DZANK1: variants seen among roughly 807,000 people sequenced by gnomAD.
DZANK1 encodes double zinc ribbon and ankyrin repeat-containing protein 1.
Under a neutral mutation model 94.5 loss-of-function variants are expected in DZANK1, and 91 were observed. That is an observed-to-expected ratio of 0.96 (90% confidence interval 0.81 to 1.15). The LOEUF is 1.15. Among genes scored for constraint, DZANK1 ranks in the 50% most tolerant of loss-of-function variants. The probability of loss-of-function intolerance (pLI) is 0.00; values close to 1 mark genes in which losing one functional copy is unlikely to be tolerated. For missense variants in DZANK1, 903 were observed against 916.4 expected (o/e 0.99, Z 0.19); for synonymous variants, 312 against 325.3 (o/e 0.96, Z 0.44).
At chr20:18,444,941 C>T (rs1169672182) in intron 7 of DZANK1, among the ~76,000 whole-genome samples, 1 of 151,996 alleles carries the variant, frequency 6.6e-6, no homozygotes, top group Middle Eastern at 3.2e-3. Flanking sequence ...GCTGGGACTA[C>T]AGGTGCCTGC....
chr20:18,390,556 A>T, intron 17 of DZANK1, 97 bp from the exon 18 acceptor site: 10 of 1,165,768 alleles, frequency 8.6e-6, no homozygotes, highest in Non-Finnish European at 1.3e-5. Flanking sequence ...TCACAAGGAC[A>T]GGTGACTATG....
Position 18,393,710 on chromosome 20 carries a change from C to T in DZANK1, c.1809+1G>A, listed in dbSNP as rs1208348619. ...CACAAGGACCAAAAAAAGACACTTACTATAAGCTGCTCCTTCTTTTCTTGA... is the reference window on the plus strand; with the variant it reads ...CACAAGGACCAAAAAAAGACACTTATTATAAGCTGCTCCTTCTTTTCTTGA... On this transcript the variant is annotated splice_donor_variant, in intron 17 of 20. Coordinates refer to ENST00000262547, the Ensembl canonical transcript of DZANK1. LOFTEE classifies it high-confidence loss of function. The T allele has an allele frequency of 4.4e-6, 7 of 1,595,690 alleles. No homozygotes were observed. In the South Asian group the frequency reaches 6.7e-5, roughly 15 times the overall value.
intron 3 of DZANK1, among the ~76,000 whole-genome samples, chr20:18,457,760 C>G (rs1460694147): frequency 1.3e-5 from 2 of 152,336 alleles, no homozygotes; most frequent in East Asian, 1.9e-4. Flanking sequence ...CATGTATCCA[C>G]TGGCCACAGC....
chr20:18,453,376 A>C (rs1237382047), intron 5 of DZANK1, among the ~76,000 whole-genome samples: 1 of 152,018 alleles, frequency 6.6e-6, no homozygotes, highest in African/African-American at 2.4e-5. Context: ...ATCCCTTCAC[A>C]CCCAGACCAG....
intron 7 of DZANK1, among the ~76,000 whole-genome samples, chr20:18,445,541 A>G (rs138187322): frequency 2.5e-4 from 38 of 152,344 alleles, no homozygotes; most frequent in Admixed American, 1.6e-3. Context: ...ACATTCTTTT[A>G]AAGTGTACAT....
At chr20:18,420,704 G>T in intron 10 of DZANK1, 1 of 180,656 alleles carries the variant, frequency 5.5e-6, no homozygotes, top group Non-Finnish European at 1.2e-5. Flanking sequence ...TTCTTTATTG[G>T]ATGGCATCCT....
At chr20:18,414,611 A>C (rs1600857519) in intron 11 of DZANK1, 99 bp from the exon 12 acceptor site, 1 of 1,378,620 alleles carries the variant, frequency 7.3e-7, no homozygotes, top group Non-Finnish European at 9.8e-7. Flanking sequence ...AGACTCTCTG[A>C]CCCAGCCATT....
chr20:18,410,881 G>T (rs1026836500), intron 13 of DZANK1, among the ~76,000 whole-genome samples: 1 of 152,190 alleles, frequency 6.6e-6, no homozygotes, highest in Non-Finnish European at 1.5e-5. Context: ...AACCCAGGAG[G>T]TCAAGGCTGC....
At chr20:18,457,802 G>A (rs970461910) in intron 3 of DZANK1, among the ~76,000 whole-genome samples, 10 of 152,220 alleles carry the variant, frequency 6.6e-5, no homozygotes, top group African/African-American at 2.2e-4. Context: ...CTGCAACGGG[G>A]ATTGGGAAAT....
At chr20:18,442,118 C>T (rs1847966082) in intron 8 of DZANK1, among the ~76,000 whole-genome samples, 1 of 152,220 alleles carries the variant, frequency 6.6e-6, no homozygotes, top group East Asian at 1.9e-4. Flanking sequence ...AGCTGTTATA[C>T]ATTATAGTCT....
chr20:18,386,527 C>T (rs1458428097), intron 19 of DZANK1, among the ~76,000 whole-genome samples: 3 of 151,954 alleles, frequency 2.0e-5, no homozygotes, highest in African/African-American at 7.3e-5. Context: ...ACAATCAGAA[C>T]AAAAGCAGCT....
chr20:18,412,358 G>A (rs2057298503), intron 13 of DZANK1, among the ~76,000 whole-genome samples: 1 of 152,134 alleles, frequency 6.6e-6, no homozygotes, highest in Non-Finnish European at 1.5e-5. Context: ...ATAGCACTGT[G>A]CACTAACAAC....
At chr20:18,449,094 A>G (rs2148726281) in intron 6 of DZANK1, 25 bp from the exon 7 acceptor site, 1 of 1,581,566 alleles carries the variant, frequency 6.3e-7, no homozygotes, top group East Asian at 2.2e-5. Flanking sequence ...ATAGGTATAA[A>G]GACAGAGTCA....
chr20:18,393,635 T>C, intron 17 of DZANK1, 76 bp downstream of exon 17: 1 of 978,884 alleles, frequency 1.0e-6, no homozygotes, highest in Non-Finnish European at 1.5e-6. Context: ...TTCTTCCATT[T>C]TAAAAAAGGT....
chr20:18,388,779 A>G (rs2048669690), intron 19 of DZANK1, among the ~76,000 whole-genome samples: 1 of 152,240 alleles, frequency 6.6e-6, no homozygotes, highest in South Asian at 2.1e-4. Flanking sequence ...TAAAATGCAG[A>G]CATTAGTAAA....
chr20:18,424,882 T>C (rs2057966231), intron 10 of DZANK1, among the ~76,000 whole-genome samples: 2 of 151,890 alleles, frequency 1.3e-5, no homozygotes, highest in Non-Finnish European at 2.9e-5. Flanking sequence ...AAAAAATCAA[T>C]ACATGCAACA....
At chr20:18,423,535 C>T (rs1160105993) in intron 10 of DZANK1, among the ~76,000 whole-genome samples, 1 of 152,144 alleles carries the variant, frequency 6.6e-6, no homozygotes, top group Non-Finnish European at 1.5e-5. Context: ...ACATTCTTTT[C>T]AAATGCACCT....
chr20:18,458,755 C>T (rs1260364237), intron 3 of DZANK1, among the ~76,000 whole-genome samples: 2 of 152,182 alleles, frequency 1.3e-5, no homozygotes, highest in African/African-American at 2.4e-5. Context: ...CCAGAACGCA[C>T]ACTTACAACC....
exon 8 of DZANK1, chr20:18,443,363 G>T: frequency 6.5e-7 from 1 of 1,549,622 alleles, no homozygotes. Context: ...TCCTTCTGGG[G>T]GTGGGAGACG....
Sources: allele counts gnomAD v4.1 joint callset (sites outside exome capture counted in the v4.1 genomes callset), GRCh38; gene constraint gnomAD v4.1.1; transcripts MANE v1.5; gene names NCBI Gene and HGNC (gene_info 2026-07-23, HGNC 2026-07-21).